Variants in VAV2 observed in about 807,000 individuals in gnomAD.
The protein encoded by VAV2 is vav guanine nucleotide exchange factor 2, also known as guanine nucleotide exchange factor VAV2.
Under a neutral mutation model 132.5 loss-of-function variants are expected in VAV2, and 67 were observed. The observed-to-expected ratio is 0.51, with a 90% confidence interval of 0.42 to 0.62. VAV2 has a LOEUF of 0.62. Ranked by LOEUF, VAV2 falls within the 20% of genes least tolerant of loss-of-function variation. VAV2 has a pLI of 0.00. For synonymous variants in VAV2, 492 were observed against 443.5 expected (o/e 1.11, Z -1.37); for missense variants, 938 against 1,153.6 (o/e 0.81, Z 2.71).
chr9:133,830,952 C>T (rs570407646), intron 4 of VAV2, among the ~76,000 whole-genome samples: 5 of 152,158 alleles, frequency 3.3e-5, no homozygotes, highest in Non-Finnish European at 7.3e-5. Flanking sequence ...TGATGATTTA[C>T]GTTTGCAATA....
intron 1 of VAV2, among the ~76,000 whole-genome samples, chr9:133,958,941 C>A (rs562519023): frequency 1.3e-5 from 2 of 152,242 alleles, no homozygotes; most frequent in East Asian, 3.8e-4. Flanking sequence ...CTGCGAGGTG[C>A]TCCCTGCCCC....
chr9:133,963,567 C>T (rs780841781), intron 1 of VAV2, among the ~76,000 whole-genome samples: 1 of 152,210 alleles, frequency 6.6e-6, no homozygotes, highest in Admixed American at 6.5e-5. Flanking sequence ...GCTTTCTACA[C>T]AGCAGGGCTG....
intron 1 of VAV2, among the ~76,000 whole-genome samples, chr9:133,966,453 C>A (rs1410108761): frequency 6.6e-6 from 1 of 152,238 alleles, no homozygotes; most frequent in Admixed American, 6.5e-5. Context: ...TGCCTATAAT[C>A]CCAACACTTT....
intron 2 of VAV2, among the ~76,000 whole-genome samples, chr9:133,914,758 A>AG (rs1367178645): frequency 1.5e-5 from 1 of 65,316 alleles, no homozygotes; most frequent in Non-Finnish European, 2.7e-5. Flanking sequence ...AGGGGAGAGG[A>AG]GAGGAGGGGA....
At chr9:133,985,068 C>T (rs914320261) in intron 1 of VAV2, among the ~76,000 whole-genome samples, 1 of 151,984 alleles carries the variant, frequency 6.6e-6, no homozygotes, top group Non-Finnish European at 1.5e-5. Context: ...AAAACAAATA[C>T]CCATGTCAAC....
intron 13 of VAV2, 80 bp from the exon 14 acceptor site, chr9:133,789,423 G>T: frequency 7.1e-7 from 1 of 1,401,654 alleles, no homozygotes; most frequent in Non-Finnish European, 1.0e-6. Context: ...GCAGACTGTC[G>T]TGCACCCAAG....
At chr9:133,795,834 C>T in intron 11 of VAV2, 98 bp from the exon 12 acceptor site, 1 of 1,389,654 alleles carries the variant, frequency 7.2e-7, no homozygotes. Flanking sequence ...GAACCAAGTC[C>T]TCAGAAGAAA....
chr9:133,947,771 AG>A (rs1243462934), intron 1 of VAV2, among the ~76,000 whole-genome samples: 4 of 150,982 alleles, frequency 2.6e-5, no homozygotes, highest in Non-Finnish European at 5.9e-5. Context: ...GGCCATCACC[AG>A]GGCCCCCGCG....
intron 2 of VAV2, among the ~76,000 whole-genome samples, chr9:133,923,555 T>C (rs1450035913): frequency 6.6e-6 from 1 of 152,174 alleles, no homozygotes; most frequent in East Asian, 1.9e-4. Flanking sequence ...GGAGTGTAAA[T>C]TGGTTCAACC....
intron 3 of VAV2, among the ~76,000 whole-genome samples, chr9:133,851,917 A>G (rs967578947): frequency 2.8e-5 from 4 of 141,280 alleles, no homozygotes; most frequent in Admixed American, 7.5e-5. Flanking sequence ...GGGTGGATGG[A>G]TGGATGGATG....
chr9:133,914,791 A>G (rs1588362377), intron 2 of VAV2, among the ~76,000 whole-genome samples: 1 of 52,474 alleles, frequency 1.9e-5, no homozygotes, highest in Non-Finnish European at 3.6e-5. Flanking sequence ...AGGGGAGAGG[A>G]GGAGGAGAGG....
intron 1 of VAV2, among the ~76,000 whole-genome samples, chr9:133,954,991 A>G (rs1246122181): frequency 1.3e-5 from 2 of 152,124 alleles, no homozygotes; most frequent in African/African-American, 2.4e-5. Context: ...GTTTGCGTGC[A>G]ATGAATGCAA....
chr9:133,852,444 G>T (rs1837225449), intron 3 of VAV2, among the ~76,000 whole-genome samples: 1 of 151,878 alleles, frequency 6.6e-6, no homozygotes, highest in Non-Finnish European at 1.5e-5. Flanking sequence ...AGTGAGAGGA[G>T]AAAAGCAATA....
chr9:133,942,959 C>T (rs1023613773), intron 1 of VAV2, among the ~76,000 whole-genome samples: 3 of 152,244 alleles, frequency 2.0e-5, no homozygotes, highest in African/African-American at 2.4e-5. Context: ...GGAGGCCACA[C>T]ACGGCCCGGC....
At position 133,763,860 on chromosome 9, in the gene VAV2, T is replaced by A; in HGVS notation, c.*202A>T. 2 of 630,892 alleles carry A rather than the reference T, an allele frequency of 3.2e-6. No individual in the cohort carries two copies. The highest frequency in any genetic ancestry group is 5.5e-6 in the Non-Finnish European group (2 of 360,694). 39.1% of individuals were successfully genotyped at this position (630,892 alleles called of 1,614,324 possible). A position where few individuals can be genotyped will look rare whatever the true frequency, so the allele number is the denominator to read the frequency against. ...CAGGTTTCCTCTATGTACAATAGCA[T>A]ACCCAGTGATGGGTCGCCGAGGGCA... On this transcript the variant is annotated 3_prime_UTR_variant, in exon 30 of 30. Coordinates refer to ENST00000371850, the MANE Select transcript of VAV2 (RefSeq NM_001134398.2). The surrounding 1 kb of genome is among the most constrained non-coding windows in gnomAD (Gnocchi z 6.8).
At position 133,885,555 on chromosome 9, in the gene VAV2, G is replaced by A. The variant is rs932988465; in HGVS notation, c.322-24123C>T. Among the ~76,000 whole-genome samples the A allele has an allele frequency of 1.3e-5, 2 of 152,222 alleles. No homozygotes were observed. The highest frequency in any genetic ancestry group is 2.4e-5 in the African/African-American group (1 of 41,450). The stretch of plus-strand genomic sequence containing the variant: ...CGCCAGGAGCGTGCAATGCCATTCA[G>A]ATTTTACACAAGCAAGGTGCTCAGG... On this transcript the variant is annotated intron_variant, in intron 2 of 29. Coordinates refer to ENST00000371850, the MANE Select transcript of VAV2 (RefSeq NM_001134398.2). This position sits in a 1 kb window ranked among gnomAD's most constrained non-coding sequence, Gnocchi z 5.0.
chr9:133,866,587 C>T (rs1484981373), intron 2 of VAV2, among the ~76,000 whole-genome samples: 2 of 152,038 alleles, frequency 1.3e-5, no homozygotes, highest in East Asian at 1.9e-4. Context: ...GCAGATCACT[C>T]GAGGTCAGGA....
In VAV2 at chr9:133,812,071, AGGGAAGGGAG is replaced by A. The variant is rs537443132; in HGVS notation, c.552+33_552+42del. 4.9e-4 allele frequency: 787 copies of A among 1,591,070 alleles called. 1 individual carries two copies. The highest frequency in any genetic ancestry group is 6.1e-4 in the Non-Finnish European group (705 of 1,160,386). ...TAAGCAAGGGCCAGGCTGCTCTGCG[AGGGAAGGGAG>A]GGGAAGGGAGGGAGGAGCGGGGCAG... is the stretch of plus-strand genomic sequence containing the variant. On this transcript the variant is annotated intron_variant, in intron 5 of 29. Coordinates refer to ENST00000371850, the MANE Select transcript of VAV2 (RefSeq NM_001134398.2).
intron 14 of VAV2, among the ~76,000 whole-genome samples, chr9:133,789,049 C>T (rs1164146474): frequency 4.6e-5 from 7 of 152,198 alleles, no homozygotes; most frequent in African/African-American, 1.4e-4. Context: ...GCCTGGTGCC[C>T]GCCACAGGCA....
Sources: allele counts gnomAD v4.1 joint callset (sites outside exome capture counted in the v4.1 genomes callset), GRCh38; gene constraint gnomAD v4.1.1; non-coding constraint Gnocchi (gnomAD v3.1); transcripts MANE v1.5; gene names NCBI Gene and HGNC (gene_info 2026-07-23, HGNC 2026-07-21).